HTR3B: variants seen among roughly 807,000 people sequenced by gnomAD.
HTR3B encodes the protein 5-hydroxytryptamine receptor 3B.
In HTR3B, 44 loss-of-function variants were observed where a neutral mutation model predicts 42.8. That is an observed-to-expected ratio of 1.03 (90% CI 0.81 to 1.32). The LOEUF is 1.32. Ranked by LOEUF, HTR3B falls within the 40% of genes most tolerant of loss-of-function variation. HTR3B has a pLI of 0.00. For synonymous variants in HTR3B, 203 were observed against 209.0 expected, an observed-to-expected ratio of 0.97 and a Z score of 0.25; for missense variants, 527 against 536.5, an observed-to-expected ratio of 0.98 and a Z score of 0.17.
chr11:113,932,725 T>C (rs1950049141), intron 5 of HTR3B, among the ~76,000 whole-genome samples: 1 of 151,992 alleles, frequency 6.6e-6, no homozygotes, highest in East Asian at 1.9e-4. Context: ...CTACAGAGAG[T>C]GTATTCCAAG....
Position 113,908,835 on chromosome 11 carries a change from A to G in HTR3B, c.53-460A>G, listed in dbSNP as rs368898270. 1.5e-4 allele frequency among the ~76,000 whole-genome samples: 23 copies of G among 152,270 alleles called. No homozygotes were observed. The East Asian group carries it at 4.1e-3, about 27-fold the overall frequency. On this transcript the variant is annotated intron_variant, in intron 1 of 8. Coordinates refer to ENST00000260191, the MANE Select transcript of HTR3B (RefSeq NM_006028.5). ...GAAATCTATACAAGTTTTTTGGGTT[A>G]ATGGGTTTCTTCATGTTTTTTTGCT...
intron 1 of HTR3B, among the ~76,000 whole-genome samples, chr11:113,908,317 T>A (rs567941676): frequency 6.6e-6 from 1 of 152,188 alleles, no homozygotes; most frequent in Non-Finnish European, 1.5e-5. Context: ...ATTTACAGTT[T>A]CCTGCTGGAT....
At chr11:113,933,596 A>G (rs1004408005) in intron 6 of HTR3B, among the ~76,000 whole-genome samples, 2 of 152,164 alleles carry the variant, frequency 1.3e-5, no homozygotes, top group African/African-American at 4.8e-5. Flanking sequence ...CACAGAGACC[A>G]CTGGTAGCTT....
In HTR3B at chr11:113,946,762, T is replaced by C. The variant is rs954319104; in HGVS notation, c.*625T>C. ...TTCTAGGCACACACATGCATCTATGTATGGTTAAGCAGTTTTTTAAAAAGT... is the reference window on the plus strand; with the variant it reads ...TTCTAGGCACACACATGCATCTATGCATGGTTAAGCAGTTTTTTAAAAAGT... On this transcript the variant is annotated 3_prime_UTR_variant, in exon 9 of 9. Coordinates refer to ENST00000260191, the MANE Select transcript of HTR3B (RefSeq NM_006028.5). Among the ~76,000 whole-genome samples, 1 of 152,224 alleles carries C rather than the reference T, an allele frequency of 6.6e-6. No individual in the cohort carries two copies. The highest frequency in any genetic ancestry group is 1.5e-5 in the Non-Finnish European group (1 of 68,040).
chr11:113,922,748 G>A (rs978169747), intron 2 of HTR3B, among the ~76,000 whole-genome samples: 1 of 151,648 alleles, frequency 6.6e-6, no homozygotes, highest in East Asian at 2.0e-4. Context: ...GTAGAGACGG[G>A]GTTTCACCAT....
At chr11:113,922,225 C>CT (rs1281083573) in intron 2 of HTR3B, among the ~76,000 whole-genome samples, 1 of 151,620 alleles carries the variant, frequency 6.6e-6, no homozygotes, top group Non-Finnish European at 1.5e-5. Context: ...TCTTTTCTTT[C>CT]TTTTTTGTTT....
At chr11:113,906,607 T>C (rs1290111466) in intron 1 of HTR3B, among the ~76,000 whole-genome samples, 1 of 152,220 alleles carries the variant, frequency 6.6e-6, no homozygotes, top group East Asian at 1.9e-4. Context: ...TTTGAAAGGT[T>C]ACTTGCTGTT....
In HTR3B at chr11:113,947,190, A is replaced by G. The variant is rs1591591562; in HGVS notation, c.*1053A>G. On this transcript the variant is annotated 3_prime_UTR_variant, in exon 9 of 9. Transcript: ENST00000260191. ...GCAATCTTGGCTCACTGTAACCTCC[A>G]CCTCCCGGGTTCAAGCAATTCCCCT... Among the ~76,000 whole-genome samples, 1 of 147,600 alleles carries G rather than the reference A, an allele frequency of 6.8e-6. No homozygotes were observed. Among genetic ancestry groups the G allele is most frequent in the Admixed American group, 6.8e-5 (1 of 14,702 alleles).
At chr11:113,900,302 A>G (rs754168305), upstream of HTR3B, among the ~76,000 whole-genome samples, 4 of 151,976 alleles carry the variant, frequency 2.6e-5, no homozygotes, top group Non-Finnish European at 5.9e-5. Flanking sequence ...CATGATTCCA[A>G]ATTTTGACTT....
At chr11:113,906,102 T>C (rs908572470) in intron 1 of HTR3B, among the ~76,000 whole-genome samples, 1 of 152,194 alleles carries the variant, frequency 6.6e-6, no homozygotes, top group African/African-American at 2.4e-5. Context: ...GTATTATGCA[T>C]GATTTTTGTT....
At chr11:113,917,036 C>T (rs749666763) in intron 2 of HTR3B, among the ~76,000 whole-genome samples, 24 of 152,042 alleles carry the variant, frequency 1.6e-4, no homozygotes, top group Non-Finnish European at 3.1e-4. Context: ...TGTCTTGTTA[C>T]CCTGACTAGG....
chr11:113,920,164 G>A (rs995061833), intron 2 of HTR3B, among the ~76,000 whole-genome samples: 16 of 151,350 alleles, frequency 1.1e-4, no homozygotes, highest in African/African-American at 3.6e-4. Context: ...GAGTAGCTGG[G>A]ATTACAAGCA....
At chr11:113,932,187 C>T in intron 4 of HTR3B, 102 bp from the exon 5 acceptor site, 1 of 919,244 alleles carries the variant, frequency 1.1e-6, no homozygotes. Flanking sequence ...CAGGGCTAGG[C>T]TGGTCCTGGA....
chr11:113,933,136 G>C (rs1591582690), intron 6 of HTR3B, 43 bp downstream of exon 6: 1 of 1,584,966 alleles, frequency 6.3e-7, no homozygotes, highest in Non-Finnish European at 8.6e-7. Context: ...CTTCTCCCCA[G>C]CCTTTGGCCT....
chr11:113,920,142 C>T (rs1949899037), intron 2 of HTR3B, among the ~76,000 whole-genome samples: 3 of 151,744 alleles, frequency 2.0e-5, no homozygotes, highest in Admixed American at 2.0e-4. Flanking sequence ...GATTCTCCTG[C>T]CTCAGCCTCC....
At chr11:113,914,432 C>T (rs1002665984) in intron 2 of HTR3B, among the ~76,000 whole-genome samples, 3 of 151,298 alleles carry the variant, frequency 2.0e-5, no homozygotes, top group African/African-American at 7.3e-5. Context: ...CCATTGCACT[C>T]CAGCCTAGGC....
intron 2 of HTR3B, among the ~76,000 whole-genome samples, chr11:113,919,567 G>T (rs993985875): frequency 6.6e-6 from 1 of 152,106 alleles, no homozygotes; most frequent in African/African-American, 2.4e-5. Flanking sequence ...TGTGGCTCAC[G>T]CCTGTAATCC....
intron 5 of HTR3B, 60 bp downstream of exon 5, chr11:113,932,518 T>C (rs1383479541): frequency 2.3e-6 from 3 of 1,287,010 alleles, no homozygotes; most frequent in African/African-American, 1.5e-5. Context: ...AATGATATTA[T>C]ACTATCCTTC....
chr11:113,911,272 C>G (rs1949790277), intron 2 of HTR3B, among the ~76,000 whole-genome samples: 1 of 152,048 alleles, frequency 6.6e-6, no homozygotes, highest in African/African-American at 2.4e-5. Flanking sequence ...GCTCTGTCAC[C>G]CAGGCTGGAT....
Sources: gnomAD v4.1 joint callset for allele counts (sites outside exome capture counted in the v4.1 genomes callset) on GRCh38, gnomAD v4.1.1 for gene constraint, MANE v1.5 for transcripts, NCBI Gene and HGNC (gene_info 2026-07-23, HGNC 2026-07-21) for gene names.